Variants in GRK1 observed in about 807,000 individuals in gnomAD.
GRK1 encodes the protein rhodopsin kinase GRK1.
A neutral mutation model predicts 41.7 loss-of-function variants in GRK1; 28 were observed. The ratio of observed to expected loss-of-function variants is 0.67; its 90% CI spans 0.50 to 0.92. GRK1 has a LOEUF of 0.92. GRK1 is among the 40% of genes least tolerant of loss of function. GRK1 has a pLI of 0.00. For missense variants in GRK1, 703 were observed against 671.2 expected, an observed-to-expected ratio of 1.05 and a Z score of -0.52; for synonymous variants, 327 against 286.7, an observed-to-expected ratio of 1.14 and a Z score of -1.42.
the GRK1 span, among the ~76,000 whole-genome samples, chr13:113,655,582 G>C: frequency 1.3e-5 from 2 of 152,206 alleles, no homozygotes; most frequent in Admixed American, 6.5e-5. Context: ...CACCGTCCCC[G>C]TGGCCATGGG....
At chr13:113,654,968 T>G in the GRK1 span, 8 of 1,612,988 alleles carry the variant, frequency 5.0e-6, no homozygotes, top group African/African-American at 5.3e-5. Context: ...GGCACAAAAT[T>G]TACCACGTCA....
chr13:113,665,505 T>C (rs906401804), upstream of GRK1, among the ~76,000 whole-genome samples: 7 of 150,690 alleles, frequency 4.6e-5, no homozygotes, highest in African/African-American at 1.7e-4. Flanking sequence ...CCCAGGTGTG[T>C]CTCAGGTGTG....
Position 113,668,033 on chromosome 13 carries a change from A to G in GRK1, c.647A>G (p.Tyr216Cys), listed in dbSNP as rs1373689498. The change falls in exon 1 of 7, where the codon TAT (tyrosine) becomes TGT (cysteine). Residue 216 changes from tyrosine to cysteine, a missense_variant. Coordinates refer to ENST00000335678, the MANE Select transcript of GRK1 (RefSeq NM_002929.3). ...CAGATGAAGGCGACCGGCAAGCTGTATGCCTGCAAGAAGCTGAACAAGAAG... is the reference window on the plus strand; with the variant it reads ...CAGATGAAGGCGACCGGCAAGCTGTGTGCCTGCAAGAAGCTGAACAAGAAG... Reference protein sequence around the residue: ...ACQMKATGKLYACKKLNKKRL... With the variant: ...ACQMKATGKLCACKKLNKKRL... 1.2e-6 allele frequency: 2 copies of G among 1,611,668 alleles called. No homozygotes were observed. The highest frequency in any genetic ancestry group is 1.1e-5 in the South Asian group (1 of 90,686).
chr13:113,731,467 G>A lies in GRK1; in HGVS notation c.1194+124G>A. 7.4e-7 allele frequency: 1 copy of A among 1,356,878 alleles called. No homozygotes were observed. Among genetic ancestry groups the A allele is most frequent in the South Asian group, 1.4e-5 (1 of 70,826 alleles). 84.1% of individuals were successfully genotyped at this position (1,356,878 alleles called of 1,614,324 possible). A position where few individuals can be genotyped will look rare whatever the true frequency, so the allele number is the denominator to read the frequency against. On this transcript the variant is annotated intron_variant, in intron 5 of 6. Transcript: ENST00000335678. The surrounding 1 kb of genome is among the most constrained non-coding windows in gnomAD (Gnocchi z 5.6). ...AGTTGTTCTGTGGGCCCTGGGGTGG[G>A]GAGGGCACAGATTCACGTGCTGGGG...
At position 113,731,321 on chromosome 13, in the gene GRK1, C is replaced by A. The variant is rs570621429; in HGVS notation, c.1172C>A (p.Pro391His). The A allele has an allele frequency of 1.3e-6, 2 of 1,536,978 alleles. No individual in the cohort carries two copies. Among genetic ancestry groups the A allele is most frequent in the South Asian group, 1.2e-5 (1 of 84,048 alleles). ...TATGAGATGATTGCGGCCAGAGGAC[C>A]CTTCCGAGCCCGTGGAGAGAAGGTA... Reference protein sequence around the residue: ...TLYEMIAARGPFRARGEKVEN... With the variant: ...TLYEMIAARGHFRARGEKVEN... The change falls in exon 5 of 7, where the codon CCC becomes CAC. Residue 391 changes from proline (P) to histidine (H), a missense_variant. Physicochemically the swap from Pro to His is moderately conservative, Grantham distance 77. Coordinates refer to ENST00000335678, the MANE Select transcript of GRK1 (RefSeq NM_002929.3). The surrounding 1 kb of genome is among the most constrained non-coding windows in gnomAD (Gnocchi z 5.6).
intron 6 of GRK1, among the ~76,000 whole-genome samples, chr13:113,733,785 GCA>G (rs2049967321): frequency 1.4e-5 from 2 of 143,560 alleles, no homozygotes; most frequent in African/African-American, 2.8e-5. Flanking sequence ...ATACGTGTGT[GCA>G]TGTGTGTATG....
At chr13:113,649,691 G>C in the GRK1 span, among the ~76,000 whole-genome samples, 1 of 152,338 alleles carries the variant, frequency 6.6e-6, no homozygotes, top group South Asian at 2.1e-4. The surrounding 1 kb of genome is among the most constrained non-coding windows in gnomAD (Gnocchi z 4.7). Flanking sequence ...GGAATTTGCT[G>C]AGATAACACC....
intron 2 of GRK1, among the ~76,000 whole-genome samples, chr13:113,670,919 T>C (rs9742970): frequency 0.75 from 114,326 of 152,166 alleles, 43,431 homozygotes; most frequent in African/African-American, 0.86. Context: ...CTGGTGGCTC[T>C]GGCCGCCTTG....
At chr13:113,650,387 G>A in the GRK1 span, 22 of 1,607,650 alleles carry the variant, frequency 1.4e-5, no homozygotes, top group Non-Finnish European at 1.6e-5. The surrounding 1 kb of genome is among the most constrained non-coding windows in gnomAD (Gnocchi z 5.0). Context: ...TGAGGGAAGC[G>A]TGGAAGGAAG....
the GRK1 span, among the ~76,000 whole-genome samples, chr13:113,657,058 G>T: frequency 6.6e-6 from 1 of 152,244 alleles, no homozygotes; most frequent in Non-Finnish European, 1.5e-5. Flanking sequence ...CTTTGAGACC[G>T]TGGAGCCTCC....
At position 113,732,972 on chromosome 13, in the gene GRK1, A is replaced by G. The variant is rs2049948196; in HGVS notation, c.1283A>G (p.Glu428Gly). ...AGCCAGGCCAGCAAGGACTTCTGCG[A>G]GGCGCTGCTGGAGAAGGACCCGGAG... ...KFSQASKDFC[E>G]ALLEKDPEKR... is the part of the protein sequence containing the mutation. The change falls in exon 6 of 7, where the codon GAG becomes GGG. Residue 428 changes from glutamate to glycine, a missense_variant. Physicochemically the swap from Glu to Gly is moderately conservative, Grantham distance 98 (BLOSUM62 -2). Coordinates refer to ENST00000335678, the MANE Select transcript of GRK1 (RefSeq NM_002929.3). The G allele has an allele frequency of 6.5e-7, 1 of 1,537,078 alleles. No individual in the cohort carries two copies. The highest frequency in any genetic ancestry group is 8.7e-7 in the Non-Finnish European group (1 of 1,146,908).
chr13:113,662,509 G>A (rs2049796175), upstream of GRK1, among the ~76,000 whole-genome samples: 1 of 152,134 alleles, frequency 6.6e-6, no homozygotes, highest in Non-Finnish European at 1.5e-5. Context: ...AAATAAAACT[G>A]TCCTTATTTG....
At chr13:113,652,511 C>T in the GRK1 span, among the ~76,000 whole-genome samples, 1 of 152,352 alleles carries the variant, frequency 6.6e-6, no homozygotes, top group African/African-American at 2.4e-5. Context: ...GAAGCCTCTG[C>T]TTTAGAAGGT....
At chr13:113,732,690 T>G (rs1039440257) in intron 5 of GRK1, among the ~76,000 whole-genome samples, 194 bp from the exon 6 acceptor site, 1 of 152,182 alleles carries the variant, frequency 6.6e-6, no homozygotes, top group African/African-American at 2.4e-5. Context: ...CTGTGGCTCC[T>G]GGGAGCTTCG....
chr13:113,649,470 G>A, the GRK1 span: 1 of 1,561,872 alleles, frequency 6.4e-7, no homozygotes. This position sits in a 1 kb window ranked among gnomAD's most constrained non-coding sequence, Gnocchi z 4.7. Flanking sequence ...TGCACACGAT[G>A]GCGACCTCAG....
chr13:113,733,573 ATG>A lies in GRK1; in HGVS notation c.1396+495_1396+496del, dbSNP rs750108224. On this transcript the variant is annotated intron_variant, in intron 6 of 6. Transcript: ENST00000335678. ...CGCGCACGTGTGTCCATGTATGTGT[ATG>A]TGTGTGCATACGTGTGTGTGCATGT... is the stretch of plus-strand genomic sequence containing the variant. Among the ~76,000 whole-genome samples, 505 of 131,904 alleles carry A rather than the reference ATG, an allele frequency of 3.8e-3. 2 individuals are homozygous for A. Among genetic ancestry groups the A allele is most frequent in the African/African-American group, 0.011 (371 of 33,752 alleles). 86.5% of individuals were successfully genotyped at this position (131,904 alleles called of 152,430 possible).
At chr13:113,652,867 A>G in the GRK1 span, 2 of 1,613,762 alleles carry the variant, frequency 1.2e-6, no homozygotes, top group Non-Finnish European at 1.7e-6. Context: ...GACCCTCAGT[A>G]CTCACCCTGT....
Position 113,731,087 on chromosome 13 carries a change from C to T in GRK1, c.1070-132C>T. ...GGGCAGCCCCTCCACAAAGGATTTT[C>T]TGGCCCCAAATGTGGAGAGTGCTGA... On this transcript the variant is annotated intron_variant, in intron 4 of 6. Coordinates refer to ENST00000335678, the MANE Select transcript of GRK1 (RefSeq NM_002929.3). The surrounding 1 kb of genome is among the most constrained non-coding windows in gnomAD (Gnocchi z 5.6). 1 of 1,315,916 alleles carries T rather than the reference C, an allele frequency of 7.6e-7. No homozygotes were observed. 81.5% of individuals were successfully genotyped at this position (1,315,916 alleles called of 1,614,324 possible).
chr13:113,660,229 C>T, the GRK1 span, among the ~76,000 whole-genome samples: 2 of 152,152 alleles, frequency 1.3e-5, no homozygotes, highest in African/African-American at 4.8e-5. Flanking sequence ...CCCCTCTCTC[C>T]CCCCATCTGA....
Sources: allele counts gnomAD v4.1 joint callset (sites outside exome capture counted in the v4.1 genomes callset), GRCh38; gene constraint gnomAD v4.1.1; non-coding constraint Gnocchi (gnomAD v3.1); transcripts MANE v1.5; gene names NCBI Gene and HGNC (gene_info 2026-07-23, HGNC 2026-07-21).